The following RANBP3L variants were observed in gnomAD, a reference collection of about 807,000 sequenced individuals.
RANBP3L encodes ran-binding protein 3-like.
A neutral mutation model predicts 67.2 loss-of-function variants in RANBP3L; 56 were observed. The observed-to-expected ratio is 0.83, with a 90% confidence interval of 0.67 to 1.04. The LOEUF (loss-of-function observed/expected upper bound fraction) is 1.04. Ranked by LOEUF, RANBP3L falls within the 50% of genes least tolerant of loss-of-function variation. RANBP3L has a pLI of 0.00. For missense variants in RANBP3L, 496 were observed against 535.5 expected (o/e 0.93, Z 0.73); for synonymous variants, 164 against 181.4 (o/e 0.90, Z 0.77).
intron 13 of RANBP3L, among the ~76,000 whole-genome samples, chr5:36,250,981 A>T (rs1447960161): frequency 6.6e-6 from 1 of 152,130 alleles, no homozygotes; most frequent in Non-Finnish European, 1.5e-5. Flanking sequence ...TGTATTTATA[A>T]TTCTTCCTAG....
At chr5:36,267,400 T>C (rs7729152) in intron 4 of RANBP3L, among the ~76,000 whole-genome samples, 130,682 of 151,824 alleles carry the variant, frequency 0.86, 57,804 homozygotes, top group Non-Finnish European at 0.97. Flanking sequence ...CCCAGCTACT[T>C]GGAAGGCTGA....
chr5:36,270,290 G>T (rs1336212756), intron 2 of RANBP3L, among the ~76,000 whole-genome samples: 1 of 152,170 alleles, frequency 6.6e-6, no homozygotes, highest in Non-Finnish European at 1.5e-5. Flanking sequence ...GTGGAAGTTA[G>T]TTTAAAATGT....
chr5:36,296,512 A>G (rs941209124), intron 1 of RANBP3L, among the ~76,000 whole-genome samples: 1 of 152,208 alleles, frequency 6.6e-6, no homozygotes, highest in African/African-American at 2.4e-5. Context: ...ACATTGTAAT[A>G]CTAGAAATCA....
intron 12 of RANBP3L, 39 bp downstream of exon 12, chr5:36,253,608 T>A (rs1463470381): frequency 6.6e-7 from 1 of 1,509,954 alleles, no homozygotes; most frequent in East Asian, 2.3e-5. Flanking sequence ...TCTATTAATT[T>A]AGTAGGATAA....
chr5:36,247,929 C>G lies in RANBP3L; in HGVS notation c.*1725G>C, dbSNP rs1439598786. On this transcript the variant is annotated 3_prime_UTR_variant, in exon 14 of 14. Transcript: ENST00000296604. Reference sequence around the variant, plus strand: ...AATAAATGAAGTTATTTGTTCTCTTCTTCACTTTAGCAATTTATAGTGCAA... The same window carrying G: ...AATAAATGAAGTTATTTGTTCTCTTGTTCACTTTAGCAATTTATAGTGCAA... Among the ~76,000 whole-genome samples the G allele has an allele frequency of 6.6e-6, 1 of 152,154 alleles. No homozygotes were observed. The highest frequency in any genetic ancestry group is 1.5e-5 in the Non-Finnish European group (1 of 68,012).
intron 8 of RANBP3L, 85 bp downstream of exon 8, chr5:36,260,695 T>C: frequency 1.6e-6 from 1 of 640,928 alleles, no homozygotes; most frequent in Non-Finnish European, 2.7e-6. Context: ...TAATTCAATT[T>C]AATATTACTT....
rs886663745 is a variant in RANBP3L at position 36,301,484 on chromosome 5, G to A, written c.-68C>T. 11 of 1,233,716 alleles carry A rather than the reference G, an allele frequency of 8.9e-6. No homozygotes were observed. The highest frequency in any genetic ancestry group is 5.1e-5 in the Admixed American group (3 of 59,086). 76.4% of individuals were successfully genotyped at this position (1,233,716 alleles called of 1,614,324 possible). ...CTCCTTCTCTGGCCAGTCACCTAAA[G>A]TGGCCTTCACCAGACACCCAGAAAT... On this transcript the variant is annotated 5_prime_UTR_variant, in exon 1 of 14. Coordinates refer to ENST00000296604, the MANE Select transcript of RANBP3L (RefSeq NM_145000.5).
At chr5:36,262,306 C>G (rs1004919394) in intron 6 of RANBP3L, among the ~76,000 whole-genome samples, 7 of 152,090 alleles carry the variant, frequency 4.6e-5, no homozygotes, top group African/African-American at 1.7e-4. Flanking sequence ...CTGTCTAATA[C>G]CGGAATATCA....
chr5:36,280,014 C>A (rs533268810), intron 1 of RANBP3L, among the ~76,000 whole-genome samples: 70 of 152,232 alleles, frequency 4.6e-4, no homozygotes, highest in African/African-American at 1.6e-3. Context: ...CTGATTACAA[C>A]CATTATTATC....
At chr5:36,295,200 G>A (rs370477904) in intron 1 of RANBP3L, among the ~76,000 whole-genome samples, 1 of 151,946 alleles carries the variant, frequency 6.6e-6, no homozygotes, top group Non-Finnish European at 1.5e-5. Context: ...GAGGAACTGC[G>A]TGATATGGTT....
rs549563036 is a variant in RANBP3L at position 36,268,777 on chromosome 5, C to T, written c.268+613G>A. Among the ~76,000 whole-genome samples the T allele has an allele frequency of 5.3e-5, 8 of 151,724 alleles. No homozygotes were observed. The East Asian group carries it at 5.8e-4, about 11-fold the overall frequency. On this transcript the variant is annotated intron_variant, in intron 4 of 13. Coordinates refer to ENST00000296604, the MANE Select transcript of RANBP3L (RefSeq NM_145000.5). ...CACCTGGAGTGCGGTGGAGCAATCT[C>T]GGCTCACTGCAGCCTCCGCCTCCCA...
Position 36,261,986 on chromosome 5 carries a change from T to C in RANBP3L, c.537A>G (p.Ser179=), listed in dbSNP as rs140602413. 1.6e-5 allele frequency: 25 copies of C among 1,607,028 alleles called. No homozygotes were observed. The highest frequency in any genetic ancestry group is 2.0e-5 in the Non-Finnish European group (23 of 1,174,616). ...AGTCCTGGTTAGTAGACAGCTGGAC[T>C]GAAATTCTAGCCCTTGATAAATTTT... ...LSENLSRARI[S]VQLSTNQDFL... Residue 179 remains serine (S), a synonymous_variant, in exon 7 of 14, where the codon TCA becomes TCG. Transcript: ENST00000296604.
At chr5:36,299,723 C>T (rs1752487512) in intron 1 of RANBP3L, among the ~76,000 whole-genome samples, 1 of 151,964 alleles carries the variant, frequency 6.6e-6, no homozygotes, top group African/African-American at 2.4e-5. Flanking sequence ...AATAATATAT[C>T]TAACAGTAGA....
intron 6 of RANBP3L, among the ~76,000 whole-genome samples, chr5:36,263,750 C>T (rs1029904123): frequency 2.6e-5 from 4 of 152,150 alleles, no homozygotes; most frequent in Non-Finnish European, 4.4e-5. Context: ...TTGTCTGGAA[C>T]GTTTTAGCTC....
chr5:36,259,411 G>A (rs913118234), intron 8 of RANBP3L, among the ~76,000 whole-genome samples: 1 of 151,944 alleles, frequency 6.6e-6, no homozygotes, highest in Non-Finnish European at 1.5e-5. Context: ...GTGAAACCCC[G>A]TCTCTACCAA....
At position 36,271,246 on chromosome 5, in the gene RANBP3L, A is replaced by G; in HGVS notation, c.150+7T>C. Reference sequence around the variant, plus strand: ...GTAAAATTGAACAAAGAAGTAGTCAATCTTACCTTAAAAGTTTGTTCTCCC... The same window carrying G: ...GTAAAATTGAACAAAGAAGTAGTCAGTCTTACCTTAAAAGTTTGTTCTCCC... On this transcript the variant is annotated splice_region_variant and intron_variant, in intron 2 of 13. Transcript: ENST00000296604. The G allele has an allele frequency of 1.4e-6, 2 of 1,462,904 alleles. No individual in the cohort carries two copies. The highest frequency in any genetic ancestry group is 2.8e-5 in the African/African-American group (2 of 71,826). 90.6% of individuals were successfully genotyped at this position (1,462,904 alleles called of 1,614,324 possible).
At chr5:36,259,684 A>T (rs1472224180) in intron 8 of RANBP3L, among the ~76,000 whole-genome samples, 1 of 151,776 alleles carries the variant, frequency 6.6e-6, no homozygotes, top group African/African-American at 2.4e-5. Context: ...CTTCTTTGGG[A>T]TTCTTCATGT....
chr5:36,267,349 A>C (rs1367243091), intron 4 of RANBP3L, among the ~76,000 whole-genome samples: 1 of 152,094 alleles, frequency 6.6e-6, no homozygotes, highest in African/African-American at 2.4e-5. Flanking sequence ...TCTACTAAAA[A>C]TACAAAAATT....
At position 36,291,193 on chromosome 5, in the gene RANBP3L, A is replaced by G. The variant is rs574375639; in HGVS notation, c.91+10133T>C. On this transcript the variant is annotated intron_variant, in intron 1 of 13. Transcript: ENST00000296604. ...TCATCTTGCAAAACTGAAACCCTGT[A>G]CCATTAAACAACATATCCTCAATCC... is the stretch of plus-strand genomic sequence containing the variant. Among the ~76,000 whole-genome samples, 3 of 152,178 alleles carry G rather than the reference A, an allele frequency of 2.0e-5. No homozygotes were observed. The East Asian group carries it at 5.8e-4, about 29-fold the overall frequency.
Sources: allele counts gnomAD v4.1 joint callset (sites outside exome capture counted in the v4.1 genomes callset), GRCh38; gene constraint gnomAD v4.1.1; transcripts MANE v1.5; gene names NCBI Gene and HGNC (gene_info 2026-07-23, HGNC 2026-07-21).